The following TRIM5 variants were observed in gnomAD, a reference collection of about 807,000 sequenced individuals.
TRIM5 encodes the protein tripartite motif-containing protein 5.
TRIM5 carries 31 observed loss-of-function variants against 35.6 expected under a neutral mutation model. That is an observed-to-expected ratio of 0.87 (90% CI 0.65 to 1.18). The LOEUF is 1.18. Ranked by LOEUF, TRIM5 falls within the 50% of genes most tolerant of loss-of-function variation. The probability of loss-of-function intolerance (pLI) is 0.00; values close to 1 mark genes in which losing one functional copy is unlikely to be tolerated. For synonymous variants in TRIM5, 243 were observed against 215.6 expected, an observed-to-expected ratio of 1.13 and a Z score of -1.11; for missense variants, 609 against 591.6, an observed-to-expected ratio of 1.03 and a Z score of -0.31.
At chr11:5,638,457 C>A in the TRIM5 span, among the ~76,000 whole-genome samples, 5 of 152,002 alleles carry the variant, frequency 3.3e-5, no homozygotes, top group African/African-American at 1.2e-4. Flanking sequence ...ATACAGAGAG[C>A]AAAACCATTT....
At position 5,663,636 on chromosome 11, in the gene TRIM5, TTTAA is replaced by T. The variant is rs1850915791; in HGVS notation, c.*1169_*1172del. 2 of 886,890 alleles carry T rather than the reference TTTAA, an allele frequency of 2.3e-6. No homozygotes were observed. The highest frequency in any genetic ancestry group is 2.7e-6 in the Non-Finnish European group (2 of 739,902). The allele number at this position is 886,890 out of a possible 1,614,324, so 54.9% of individuals were successfully genotyped here. A position where few individuals can be genotyped will look rare whatever the true frequency, so the allele number is the denominator to read the frequency against. On this transcript the variant is annotated 3_prime_UTR_variant, in exon 8 of 8. Transcript: ENST00000380034. ...TGAAGGTTTTTTGTTTTATTTTGCT[TTTAA>T]TTGACAAATAATAAATATACATATT...
chr11:5,604,570 G>A, the TRIM5 span: 12,841 of 1,613,180 alleles, frequency 8.0e-3, 860 homozygotes, highest in African/African-American at 0.15. Context: ...GCTGAAGAAC[G>A]AGGAGCAGGA....
intron 5 of TRIM5, 113 bp from the exon 6 acceptor site, chr11:5,666,194 G>A: frequency 1.1e-6 from 1 of 895,072 alleles, no homozygotes; most frequent in Non-Finnish European, 1.7e-6. Context: ...CTCTTCTTGG[G>A]GATCCTGAGA....
chr11:5,638,946 A>G, the TRIM5 span, among the ~76,000 whole-genome samples: 4 of 152,284 alleles, frequency 2.6e-5, no homozygotes, highest in African/African-American at 9.6e-5. Context: ...TTTAAGCTCT[A>G]TGCCTTCACG....
At chr11:5,670,729 G>A (rs951983493) in intron 4 of TRIM5, among the ~76,000 whole-genome samples, 1 of 152,018 alleles carries the variant, frequency 6.6e-6, no homozygotes, top group Non-Finnish European at 1.5e-5. Flanking sequence ...TGCCTTGAGG[G>A]GATTGAACAT....
At chr11:5,639,118 T>G in the TRIM5 span, among the ~76,000 whole-genome samples, 2 of 152,170 alleles carry the variant, frequency 1.3e-5, no homozygotes, top group Non-Finnish European at 2.9e-5. Flanking sequence ...TCGATCAGAC[T>G]TTAAGGTATG....
chr11:5,637,107 A>T, the TRIM5 span, among the ~76,000 whole-genome samples: 1 of 152,132 alleles, frequency 6.6e-6, no homozygotes, highest in East Asian at 1.9e-4. Flanking sequence ...CAGGAGGCGG[A>T]GCTTGCAGTG....
the TRIM5 span, chr11:5,605,585 G>C: frequency 6.3e-7 from 1 of 1,597,512 alleles, no homozygotes; most frequent in South Asian, 1.1e-5. Context: ...TTGTGAAGGA[G>C]CCCAGATCTG....
chr11:5,603,237 T>G, the TRIM5 span: 1 of 1,608,914 alleles, frequency 6.2e-7, no homozygotes. Context: ...TGTTTGTTCA[T>G]CTACCTAGGA....
At chr11:5,610,525 A>C in the TRIM5 span, 3 of 1,614,130 alleles carry the variant, frequency 1.9e-6, no homozygotes, top group East Asian at 4.5e-5. Context: ...GACTCTTTTC[A>C]TCATTACAGA....
intron 5 of TRIM5, 132 bp from the exon 6 acceptor site, chr11:5,666,213 T>A: frequency 1.3e-6 from 1 of 761,622 alleles, no homozygotes; most frequent in Non-Finnish European, 2.2e-6. Context: ...GAAGGGAGAG[T>A]GCAAACTCTT....
At chr11:5,680,537 G>A (rs930979979) in intron 1 of TRIM5, among the ~76,000 whole-genome samples, 2 of 152,124 alleles carry the variant, frequency 1.3e-5, no homozygotes, top group Admixed American at 6.5e-5. Flanking sequence ...AGATCTTTGT[G>A]TGACCCATCA....
intron 4 of TRIM5, among the ~76,000 whole-genome samples, chr11:5,668,633 A>G (rs1851328429): frequency 6.6e-6 from 1 of 151,988 alleles, no homozygotes; most frequent in South Asian, 2.1e-4. Flanking sequence ...TATTTTTAGT[A>G]GAAATGGGGT....
the TRIM5 span, chr11:5,611,153 G>T: frequency 1.2e-6 from 2 of 1,614,128 alleles, no homozygotes; most frequent in Non-Finnish European, 1.7e-6. Flanking sequence ...TTCTCTCCAT[G>T]ACAGTGCCCC....
At chr11:5,594,370 G>C in the TRIM5 span, among the ~76,000 whole-genome samples, 4 of 152,132 alleles carry the variant, frequency 2.6e-5, no homozygotes, top group African/African-American at 9.7e-5. Flanking sequence ...AGCAGTAGCA[G>C]GATCATGGCT....
At chr11:5,657,410 G>GT in the TRIM5 span, among the ~76,000 whole-genome samples, 1 of 149,034 alleles carries the variant, frequency 6.7e-6, no homozygotes, top group Non-Finnish European at 1.5e-5. Context: ...GTATACCTGT[G>GT]TAACAAACCT....
At chr11:5,626,310 T>C in the TRIM5 span, among the ~76,000 whole-genome samples, 1 of 152,186 alleles carries the variant, frequency 6.6e-6, no homozygotes, top group African/African-American at 2.4e-5. Context: ...TCATAGACCA[T>C]ATCGATGAAT....
At chr11:5,604,435 C>A in the TRIM5 span, 1 of 1,346,464 alleles carries the variant, frequency 7.4e-7, no homozygotes, top group Non-Finnish European at 1.0e-6. Flanking sequence ...GGACAGGCTT[C>A]TTTTGAGGTT....
At chr11:5,666,165 C>A in intron 5 of TRIM5, 84 bp from the exon 6 acceptor site, 2 of 1,164,770 alleles carry the variant, frequency 1.7e-6, no homozygotes, top group South Asian at 1.4e-5. Flanking sequence ...TCATTTCAAC[C>A]CATTGAGGCA....
Sources: allele counts gnomAD v4.1 joint callset (sites outside exome capture counted in the v4.1 genomes callset), GRCh38; gene constraint gnomAD v4.1.1; transcripts MANE v1.5; gene names NCBI Gene and HGNC (gene_info 2026-07-23, HGNC 2026-07-21).